The following ARL5B variants were observed in gnomAD, a reference collection of about 807,000 sequenced individuals.
ARL5B encodes ADP-ribosylation factor-like protein 5B.
Under a neutral mutation model 26.9 loss-of-function variants are expected in ARL5B, and 10 were observed. That is an observed-to-expected ratio of 0.37 (90% CI 0.23 to 0.63). ARL5B has a LOEUF of 0.63. Among genes scored for constraint, ARL5B ranks in the 30% least tolerant of loss-of-function variants. The pLI is 0.62. For missense variants in ARL5B, 167 were observed against 213.9 expected (o/e 0.78, Z 1.37); for synonymous variants, 87 against 70.4 (o/e 1.24, Z -1.18).
At chr10:18,672,497 CA>C in intron 3 of ARL5B, 124 bp from the exon 4 acceptor site, 1 of 584,712 alleles carries the variant, frequency 1.7e-6, no homozygotes, top group Admixed American at 3.1e-5. Context: ...GGTGAAAAAG[CA>C]GTAGATGTTT....
chr10:18,680,849 G>A lies in ARL5B; in HGVS notation c.*5633G>A, dbSNP rs1405723057. The A allele has an allele frequency of 1.3e-5, 2 of 152,094 alleles. No homozygotes were observed. Among genetic ancestry groups the A allele is most frequent in the African/African-American group, 4.8e-5 (2 of 41,418 alleles). 9.4% of individuals were successfully genotyped at this position (152,094 alleles called of 1,614,324 possible). On this transcript the variant is annotated 3_prime_UTR_variant, in exon 6 of 6. Transcript: ENST00000377275. ...TGGTGTTGCGTTTATTCTAATCAGA[G>A]TGAATGATTATAATCACACTTTGCT...
intron 3 of ARL5B, among the ~76,000 whole-genome samples, chr10:18,670,453 A>T (rs909062432): frequency 1.3e-5 from 2 of 152,144 alleles, no homozygotes; most frequent in Non-Finnish European, 1.5e-5. Context: ...TCTACTAAAA[A>T]TACAAAAATT....
At position 18,678,900 on chromosome 10, in the gene ARL5B, G is replaced by A. The variant is rs1164966756; in HGVS notation, c.*3684G>A. Reference sequence around the variant, plus strand: ...AATTAGTGTCCATGGCTTTCCTTTTGTTTTTCCCATACTGAGGAACTTAAA... The same window carrying A: ...AATTAGTGTCCATGGCTTTCCTTTTATTTTTCCCATACTGAGGAACTTAAA... On this transcript the variant is annotated 3_prime_UTR_variant, in exon 6 of 6. Transcript: ENST00000377275. 1.3e-5 allele frequency: 2 copies of A among 151,654 alleles called. No individual in the cohort carries two copies. Among genetic ancestry groups the A allele is most frequent in the Non-Finnish European group, 3.0e-5 (2 of 67,744 alleles). The allele number at this position is 151,654 out of a possible 1,614,324, so 9.4% of individuals were successfully genotyped here. A position where few individuals can be genotyped will look rare whatever the true frequency, so the allele number is the denominator to read the frequency against.
Position 18,672,794 on chromosome 10 carries a change from A to G in ARL5B, c.339+89A>G, listed in dbSNP as rs368340595. The G allele has an allele frequency of 1.8e-4, 135 of 764,682 alleles. No homozygotes were observed. The African/African-American group carries it at 2.1e-3, about 12-fold the overall frequency. The allele number at this position is 764,682 out of a possible 1,614,324, so 47.4% of individuals were successfully genotyped here. A position where few individuals can be genotyped will look rare whatever the true frequency, so the allele number is the denominator to read the frequency against. The stretch of plus-strand genomic sequence containing the variant: ...TTTTTGCAAAGATTAATGTGATATG[A>G]TGTTGGCTATTTTATGATTAACACA... On this transcript the variant is annotated intron_variant, in intron 4 of 5. Transcript: ENST00000377275.
intron 1 of ARL5B, among the ~76,000 whole-genome samples, chr10:18,663,433 A>G (rs2059845752): frequency 6.6e-6 from 1 of 151,690 alleles, no homozygotes; most frequent in African/African-American, 2.4e-5. Flanking sequence ...CATGAATTTC[A>G]TGTTATCATT....
At position 18,659,590 on chromosome 10, in the gene ARL5B, AGCGGCACCTGCTGCCGAGGGACCCC is replaced by A; in HGVS notation, c.-42_-18del. 2.5e-6 allele frequency: 4 copies of A among 1,582,786 alleles called. No individual in the cohort carries two copies. The highest frequency in any genetic ancestry group is 3.4e-6 in the Non-Finnish European group (4 of 1,166,160). ...CGCGCCGCGGTGGGGGACCCGGCGC[AGCGGCACCTGCTGCCGAGGGACCCC>A]GCGGCCCGCCCCGGTGCTCGTGATG... On this transcript the variant is annotated 5_prime_UTR_variant, in exon 1 of 6. Coordinates refer to ENST00000377275, the MANE Select transcript of ARL5B (RefSeq NM_178815.5).
intron 1 of ARL5B, among the ~76,000 whole-genome samples, chr10:18,660,890 C>G (rs1324631348): frequency 6.6e-6 from 1 of 152,084 alleles, no homozygotes; most frequent in Non-Finnish European, 1.5e-5. Context: ...CTCTGTCGCC[C>G]AGGCTTCAGT....
rs528139296 is a variant in ARL5B, at chr10:18,677,735, C to A, written c.*2519C>A. On this transcript the variant is annotated 3_prime_UTR_variant, in exon 6 of 6. Transcript: ENST00000377275. ...CTTTATTCATATTTTGAAATAAGTT[C>A]TTAGTTTTATATTATACCTGTTCTT... is the stretch of plus-strand genomic sequence containing the variant. The A allele has an allele frequency of 6.6e-6, 1 of 152,184 alleles. No homozygotes were observed. Among genetic ancestry groups the A allele is most frequent in the Non-Finnish European group, 1.5e-5 (1 of 67,712 alleles). The allele number at this position is 152,184 out of a possible 1,614,324, so 9.4% of individuals were successfully genotyped here.
At position 18,680,312 on chromosome 10, in the gene ARL5B, C is replaced by T. The variant is rs2059927189; in HGVS notation, c.*5096C>T. On this transcript the variant is annotated 3_prime_UTR_variant, in exon 6 of 6. Transcript: ENST00000377275. ...TTTGTTTTGTTTTACTCTTGTTTAC[C>T]AGCTGGGCCAACATGGTAGATATAT... The T allele has an allele frequency of 6.6e-6, 1 of 151,908 alleles. No homozygotes were observed. Among genetic ancestry groups the T allele is most frequent in the Admixed American group, 6.6e-5 (1 of 15,258 alleles). 9.4% of individuals were successfully genotyped at this position (151,908 alleles called of 1,614,324 possible).
rs566934471 is a variant in ARL5B, at chr10:18,672,588, C to A, written c.256-34C>A. ...ACAGAAAACTTTTCAGCATCCCATTCAATTTTCTGTCTTTCCTTTTAATTT... is the reference window on the plus strand; with the variant it reads ...ACAGAAAACTTTTCAGCATCCCATTAAATTTTCTGTCTTTCCTTTTAATTT... On this transcript the variant is annotated intron_variant, in intron 3 of 5. Coordinates refer to ENST00000377275, the MANE Select transcript of ARL5B (RefSeq NM_178815.5). 33 of 1,534,482 alleles carry A rather than the reference C, an allele frequency of 2.2e-5. No individual in the cohort carries two copies. In the East Asian group the frequency reaches 4.5e-4, roughly 21 times the overall value.
At chr10:18,662,246 G>A (rs1249452618) in intron 1 of ARL5B, among the ~76,000 whole-genome samples, 3 of 152,216 alleles carry the variant, frequency 2.0e-5, no homozygotes, top group Admixed American at 6.5e-5. Context: ...TGCAGCCAGT[G>A]TTAAGAACTA....
intron 3 of ARL5B, among the ~76,000 whole-genome samples, chr10:18,669,670 T>G (rs2059877798): frequency 2.0e-5 from 2 of 102,426 alleles, no homozygotes; most frequent in Admixed American, 2.1e-4. Flanking sequence ...ACCTAACCAA[T>G]TATTTTTTTC....
chr10:18,659,859 G>C (rs2059820148), intron 1 of ARL5B, 176 bp downstream of exon 1: 1 of 985,386 alleles, frequency 1.0e-6, no homozygotes, highest in Non-Finnish European at 1.2e-6. Context: ...GGAGAGACCT[G>C]ACGTGTGGGA....
At chr10:18,662,473 C>T (rs1195089118) in intron 1 of ARL5B, among the ~76,000 whole-genome samples, 2 of 152,092 alleles carry the variant, frequency 1.3e-5, no homozygotes, top group African/African-American at 2.4e-5. Context: ...CTGTTTACTT[C>T]GACAGTTATT....
At chr10:18,666,898 G>C (rs2059863721) in intron 2 of ARL5B, among the ~76,000 whole-genome samples, 1 of 152,134 alleles carries the variant, frequency 6.6e-6, no homozygotes. Context: ...AGAAGTGCTG[G>C]GGTGAGGTGA....
At chr10:18,674,319 T>TA (rs1422173173) in intron 5 of ARL5B, among the ~76,000 whole-genome samples, 184 bp downstream of exon 5, 2 of 152,226 alleles carry the variant, frequency 1.3e-5, no homozygotes, top group African/African-American at 4.8e-5. Flanking sequence ...ACTGGCAACT[T>TA]AAAAACTTTT....
At position 18,677,907 on chromosome 10, in the gene ARL5B, C is replaced by G. The variant is rs1449178825; in HGVS notation, c.*2691C>G. On this transcript the variant is annotated 3_prime_UTR_variant, in exon 6 of 6. Transcript: ENST00000377275. ...CATTACCTTCAGGAGACTGTTCTACCTTTTAATTTGAAAACAAGGAAATTA... is the reference window on the plus strand; with the variant it reads ...CATTACCTTCAGGAGACTGTTCTACGTTTTAATTTGAAAACAAGGAAATTA... 2.0e-5 allele frequency: 3 copies of G among 151,792 alleles called. No individual in the cohort carries two copies. The highest frequency in any genetic ancestry group is 1.9e-4 in the East Asian group (1 of 5,186). 9.4% of individuals were successfully genotyped at this position (151,792 alleles called of 1,614,324 possible).
In ARL5B at chr10:18,675,255, A is replaced by T; in HGVS notation, c.*39A>T. 1.3e-6 allele frequency: 2 copies of T among 1,592,832 alleles called. No individual in the cohort carries two copies. Among genetic ancestry groups the T allele is most frequent in the Non-Finnish European group, 1.7e-6 (2 of 1,161,162 alleles). ...AAGAGACTGCTCTATTTATTCTGTG[A>T]CATGAACATTTTTTCCTAGTACCTT... is the stretch of plus-strand genomic sequence containing the variant. On this transcript the variant is annotated 3_prime_UTR_variant, in exon 6 of 6. Transcript: ENST00000377275.
At chr10:18,668,944 A>G (rs897872564) in intron 3 of ARL5B, among the ~76,000 whole-genome samples, 4 of 151,910 alleles carry the variant, frequency 2.6e-5, no homozygotes, top group Non-Finnish European at 5.9e-5. Context: ...TAATTTTTGT[A>G]TGTTTAGTAG....
Sources: allele counts gnomAD v4.1 joint callset (sites outside exome capture counted in the v4.1 genomes callset), GRCh38; gene constraint gnomAD v4.1.1; transcripts MANE v1.5; gene names NCBI Gene and HGNC (gene_info 2026-07-23, HGNC 2026-07-21).